The following RAI1 variants were observed in gnomAD, a reference collection of about 807,000 sequenced individuals.
RAI1 encodes retinoic acid-induced protein 1.
In RAI1, 9 loss-of-function variants were observed where a neutral mutation model predicts 123.8. The observed-to-expected ratio is 0.07, with a 90% CI of 0.04 to 0.13. The LOEUF is 0.13. Among genes scored for constraint, RAI1 ranks in the 10% least tolerant of loss-of-function variants. The probability of loss-of-function intolerance (pLI) is 1.00; values close to 1 mark genes in which losing one functional copy is unlikely to be tolerated. For synonymous variants in RAI1, 1,231 were observed against 1,127.3 expected, an observed-to-expected ratio of 1.09 and a Z score of -1.84; for missense variants, 2,256 against 2,545.8, an observed-to-expected ratio of 0.89 and a Z score of 2.45.
chr17:17,776,219 G>T (rs542837768), intron 2 of RAI1, among the ~76,000 whole-genome samples: 66 of 152,372 alleles, frequency 4.3e-4, no homozygotes, highest in Non-Finnish European at 7.5e-4. Context: ...CAAACAGCTG[G>T]AAAGTGGCAG....
At chr17:17,742,051 C>T (rs1299587564) in intron 2 of RAI1, among the ~76,000 whole-genome samples, 2 of 152,258 alleles carry the variant, frequency 1.3e-5, no homozygotes, top group African/African-American at 4.8e-5. Flanking sequence ...AGGCAGTAAC[C>T]AGCTTCATGT....
At chr17:17,696,919 G>A (rs1291443415) in intron 1 of RAI1, among the ~76,000 whole-genome samples, 1 of 152,216 alleles carries the variant, frequency 6.6e-6, no homozygotes, top group Non-Finnish European at 1.5e-5. Flanking sequence ...CCCACCTTCT[G>A]CTTTGACTTC....
In RAI1 at chr17:17,801,850, ACTCAGC is replaced by A. The variant is rs1291016495; in HGVS notation, c.5566-1899_5566-1894del. Among the ~76,000 whole-genome samples, 1 of 152,220 alleles carries A rather than the reference ACTCAGC, an allele frequency of 6.6e-6. No individual in the cohort carries two copies. Among genetic ancestry groups the A allele is most frequent in the Non-Finnish European group, 1.5e-5 (1 of 68,028 alleles). On this transcript the variant is annotated intron_variant, in intron 3 of 5. Coordinates refer to ENST00000353383, the MANE Select transcript of RAI1 (RefSeq NM_030665.4). The surrounding 1 kb of genome is among the most constrained non-coding windows in gnomAD (Gnocchi z 4.1). ...CCAGCCTGGAGCCCTCGGGCAGGTT[ACTCAGC>A]CTCAGCTCTCATTGGTAACCCAGGT...
intron 1 of RAI1, among the ~76,000 whole-genome samples, chr17:17,688,091 A>T (rs1598011641): frequency 6.6e-6 from 1 of 150,474 alleles, no homozygotes; most frequent in African/African-American, 2.5e-5. Flanking sequence ...AGGAGGTCCT[A>T]TAGCTTGGGG....
chr17:17,808,922 G>A (rs1437399163), intron 4 of RAI1, among the ~76,000 whole-genome samples: 1 of 152,214 alleles, frequency 6.6e-6, no homozygotes, highest in African/African-American at 2.4e-5. Flanking sequence ...CTCACTGGAA[G>A]TTAGTGAGCT....
intron 1 of RAI1, among the ~76,000 whole-genome samples, chr17:17,693,826 C>T (rs1273119434): frequency 6.6e-6 from 1 of 152,170 alleles, no homozygotes; most frequent in Non-Finnish European, 1.5e-5. Flanking sequence ...TTGCTCTGGG[C>T]CAGAGATCGG....
intron 1 of RAI1, among the ~76,000 whole-genome samples, chr17:17,686,982 C>G (rs1322503381): frequency 6.6e-6 from 1 of 152,064 alleles, no homozygotes; most frequent in Non-Finnish European, 1.5e-5. Context: ...CAATGAGCAT[C>G]CGGTTTCTTT....
chr17:17,734,755 T>G (rs1277643581), intron 2 of RAI1, among the ~76,000 whole-genome samples: 2 of 152,210 alleles, frequency 1.3e-5, no homozygotes, highest in African/African-American at 4.8e-5. Context: ...GCGTGTGAGC[T>G]CCTTGGACAC....
intron 2 of RAI1, among the ~76,000 whole-genome samples, chr17:17,747,100 T>C (rs1039991563): frequency 3.3e-5 from 5 of 152,008 alleles, no homozygotes; most frequent in Non-Finnish European, 5.9e-5. Context: ...GAGCTTTGAG[T>C]TGGGGAGAGA....
At chr17:17,791,348 G>A (rs550440349) in intron 2 of RAI1, among the ~76,000 whole-genome samples, 5 of 152,310 alleles carry the variant, frequency 3.3e-5, no homozygotes, top group African/African-American at 1.2e-4. Context: ...ACTTGTGGTG[G>A]GGTCCGGGCC....
intron 2 of RAI1, among the ~76,000 whole-genome samples, chr17:17,731,108 G>A (rs1916254807): frequency 6.6e-6 from 1 of 152,230 alleles, no homozygotes. Context: ...AGCCCTCCTA[G>A]AGGTGAGGAC....
chr17:17,807,284 G>A (rs920283971), intron 4 of RAI1, among the ~76,000 whole-genome samples: 25 of 151,902 alleles, frequency 1.6e-4, no homozygotes, highest in African/African-American at 4.3e-4. Flanking sequence ...AGAGGGCACT[G>A]AGGGAGTGGG....
At chr17:17,701,462 A>G (rs1436365229) in intron 1 of RAI1, among the ~76,000 whole-genome samples, 1 of 151,694 alleles carries the variant, frequency 6.6e-6, no homozygotes, top group Non-Finnish European at 1.5e-5. Context: ...TCTCTCCCTC[A>G]TTCCCTTCTC....
chr17:17,790,528 C>T (rs2031974444), intron 2 of RAI1, among the ~76,000 whole-genome samples: 2 of 152,042 alleles, frequency 1.3e-5, no homozygotes, highest in African/African-American at 4.8e-5. Context: ...TGCAGACGGA[C>T]AGGCAGGGAG....
At chr17:17,806,652 C>G (rs1267415731) in intron 4 of RAI1, among the ~76,000 whole-genome samples, 2 of 152,262 alleles carry the variant, frequency 1.3e-5, no homozygotes, top group African/African-American at 4.8e-5. Flanking sequence ...GCAGGATGAT[C>G]TAGGGTGGCC....
At chr17:17,693,989 T>G (rs1363831332) in intron 1 of RAI1, among the ~76,000 whole-genome samples, 1 of 152,214 alleles carries the variant, frequency 6.6e-6, no homozygotes, top group Non-Finnish European at 1.5e-5. Context: ...TGGGCAGTCA[T>G]TCACACGTAG....
Position 17,793,161 on chromosome 17 carries a change from C to G in RAI1, c.213C>G (p.Ala71=). The change falls in exon 3 of 6, where the codon GCC becomes GCG. Residue 71 remains alanine, a synonymous_variant. Coordinates refer to ENST00000353383, the MANE Select transcript of RAI1 (RefSeq NM_030665.4). The stretch of plus-strand genomic sequence containing the variant: ...CTGGCACGCCCTCTGGCACTGCAGC[C>G]GCGGTGGCCGCCGACAAGTACCACC... ...GGAGTPSGTA[A]AVAADKYHRG... is the part of the protein sequence containing the mutation. 6.2e-7 allele frequency: 1 copy of G among 1,613,106 alleles called. No homozygotes were observed.
intron 2 of RAI1, among the ~76,000 whole-genome samples, chr17:17,761,415 C>G (rs972038809): frequency 1.3e-5 from 2 of 152,110 alleles, no homozygotes; most frequent in Non-Finnish European, 2.9e-5. Flanking sequence ...CTACTCTGTG[C>G]CAGGCACAGG....
chr17:17,734,988 G>A (rs1452841229), intron 2 of RAI1, among the ~76,000 whole-genome samples: 1 of 152,184 alleles, frequency 6.6e-6, no homozygotes, highest in East Asian at 1.9e-4. Flanking sequence ...CACCTCCAGA[G>A]AGCAGGACTT....
Sources: allele counts gnomAD v4.1 joint callset (sites outside exome capture counted in the v4.1 genomes callset), GRCh38; gene constraint gnomAD v4.1.1; non-coding constraint Gnocchi (gnomAD v3.1); transcripts MANE v1.5; gene names NCBI Gene and HGNC (gene_info 2026-07-23, HGNC 2026-07-21).